RBFOX1: variants seen among roughly 807,000 people sequenced by gnomAD.
RBFOX1 encodes RNA binding fox-1 homolog 1, also known as RNA binding protein fox-1 homolog 1.
A neutral mutation model predicts 57.7 loss-of-function variants in RBFOX1; 8 were observed. That is an observed-to-expected ratio of 0.14 (90% confidence interval 0.08 to 0.25). RBFOX1 has a LOEUF of 0.25. RBFOX1 is among the 10% of genes least tolerant of loss of function. The pLI, the probability that RBFOX1 is intolerant of heterozygous loss-of-function variation, is 1.00. For synonymous variants in RBFOX1, 326 were observed against 222.4 expected, an observed-to-expected ratio of 1.47 and a Z score of -4.15; for missense variants, 611 against 548.5, an observed-to-expected ratio of 1.11 and a Z score of -1.14.
intron 3 of RBFOX1, among the ~76,000 whole-genome samples, chr16:6,897,860 C>T (rs2067342560): frequency 6.6e-6 from 1 of 152,154 alleles, no homozygotes; most frequent in Admixed American, 6.5e-5. Flanking sequence ...AGCTTATCAT[C>T]CATCTGTCCC....
At chr16:5,932,746 A>G (rs1352901134) in intron 4 of RBFOX1, among the ~76,000 whole-genome samples, 6 of 152,118 alleles carry the variant, frequency 3.9e-5, no homozygotes, top group Non-Finnish European at 7.3e-5. Context: ...CATCTCTCCC[A>G]ATTCTCTATA....
chr16:7,631,517 C>G (rs2060959063), intron 11 of RBFOX1, among the ~76,000 whole-genome samples: 1 of 152,314 alleles, frequency 6.6e-6, no homozygotes, highest in Non-Finnish European at 1.5e-5. Context: ...AATCTCCCAG[C>G]CACAGCTGAA....
intron 2 of RBFOX1, among the ~76,000 whole-genome samples, chr16:6,568,924 C>T (rs188965195): frequency 3.9e-5 from 6 of 152,230 alleles, no homozygotes; most frequent in East Asian, 1.9e-4. Context: ...AGGCACGTGC[C>T]ATTATGCCCA....
chr16:6,019,827 C>G lies in RBFOX1; in HGVS notation c.-292C>G. On this transcript the variant is annotated 5_prime_UTR_variant, in exon 1 of 16. Coordinates refer to ENST00000550418, the MANE Select transcript of RBFOX1 (RefSeq NM_018723.4). This position sits in a 1 kb window ranked among gnomAD's most constrained non-coding sequence, Gnocchi z 4.2. The stretch of plus-strand genomic sequence containing the variant: ...CCGCGCCCAGGCAGGCGCGCCAGGG[C>G]GGGGCTGACCTGCCCGCGAAGTTGC... The G allele has an allele frequency of 1.3e-6, 2 of 1,513,056 alleles. No individual in the cohort carries two copies. Among genetic ancestry groups the G allele is most frequent in the Admixed American group, 2.0e-5 (1 of 49,786 alleles). The allele number at this position is 1,513,056 out of a possible 1,614,324, so 93.7% of individuals were successfully genotyped here.
intron 1 of RBFOX1, among the ~76,000 whole-genome samples, chr16:6,303,323 G>A (rs890917705): frequency 2.7e-5 from 4 of 147,164 alleles, no homozygotes; most frequent in Non-Finnish European, 3.0e-5. Flanking sequence ...AGTCCAGTAC[G>A]TATTAAATAG....
intron 1 of RBFOX1, among the ~76,000 whole-genome samples, chr16:6,152,743 T>C (rs1325326249): frequency 6.6e-6 from 1 of 152,096 alleles, no homozygotes; most frequent in African/African-American, 2.4e-5. Flanking sequence ...GACCCATAAC[T>C]CAAGCCATGG....
At chr16:6,263,498 A>T (rs1412713138) in intron 1 of RBFOX1, among the ~76,000 whole-genome samples, 1 of 152,156 alleles carries the variant, frequency 6.6e-6, no homozygotes, top group East Asian at 1.9e-4. Context: ...TGCAGCCTCC[A>T]TTTATGAAAC....
At chr16:6,058,811 C>A (rs1008433436) in intron 1 of RBFOX1, among the ~76,000 whole-genome samples, 1 of 147,608 alleles carries the variant, frequency 6.8e-6, no homozygotes, top group Non-Finnish European at 1.5e-5. Context: ...CATCCATCCA[C>A]CCACTTACCC....
At chr16:6,238,747 AT>A (rs1313050624) in intron 1 of RBFOX1, among the ~76,000 whole-genome samples, 2 of 152,000 alleles carry the variant, frequency 1.3e-5, no homozygotes, top group East Asian at 1.9e-4. Context: ...CTGACTGACT[AT>A]TTTTTTAAAA....
intron 2 of RBFOX1, among the ~76,000 whole-genome samples, chr16:6,393,893 C>T (rs1047484701): frequency 4.6e-5 from 7 of 152,180 alleles, no homozygotes; most frequent in Admixed American, 1.3e-4. Context: ...AGCCCTGTCC[C>T]AGGCAAACTG....
chr16:5,716,578 GA>G (rs1297631771), intron 3 of RBFOX1, among the ~76,000 whole-genome samples: 1 of 152,208 alleles, frequency 6.6e-6, no homozygotes, highest in Non-Finnish European at 1.5e-5. Flanking sequence ...GAGGTTTGGA[GA>G]AAAAGGAACG....
chr16:6,604,590 G>A (rs1351585433), intron 2 of RBFOX1, among the ~76,000 whole-genome samples: 2 of 152,174 alleles, frequency 1.3e-5, no homozygotes, highest in Admixed American at 6.5e-5. Context: ...TAAAGCAATG[G>A]TGGCAAGCTC....
intron 3 of RBFOX1, among the ~76,000 whole-genome samples, chr16:5,851,270 G>A (rs1353425385): frequency 2.6e-5 from 4 of 152,212 alleles, no homozygotes; most frequent in African/African-American, 4.8e-5. Context: ...TACTGATCAC[G>A]TCCTATCTGG....
intron 2 of RBFOX1, among the ~76,000 whole-genome samples, chr16:5,539,588 G>A (rs1486421): frequency 0.12 from 18,338 of 151,632 alleles, 1,441 homozygotes; most frequent in African/African-American, 0.22. Context: ...GCAATAGAGC[G>A]AGACTCTCTC....
At chr16:6,464,039 A>AC (rs1411812356) in intron 2 of RBFOX1, among the ~76,000 whole-genome samples, 2 of 152,224 alleles carry the variant, frequency 1.3e-5, no homozygotes, top group Non-Finnish European at 2.9e-5. Flanking sequence ...GTTCCTGATT[A>AC]ATGTGAATCA....
intron 5 of RBFOX1, among the ~76,000 whole-genome samples, chr16:7,536,323 G>T (rs962616424): frequency 1.3e-5 from 2 of 152,252 alleles, no homozygotes; most frequent in African/African-American, 4.8e-5. Context: ...GCTGGGCGCG[G>T]TGGCTCATGC....
rs142092045 is a variant in RBFOX1 at position 6,300,490 on chromosome 16, T to A, written c.-126-16505T>A. 8.6e-3 allele frequency among the ~76,000 whole-genome samples: 1,305 copies of A among 152,302 alleles called. 16 individuals are homozygous for A. The highest frequency in any genetic ancestry group is 0.02 in the Middle Eastern group (6 of 294). On this transcript the variant is annotated intron_variant, in intron 1 of 15. Transcript: ENST00000550418. ...AAATCCCTCCGCCAACCCAACTACC[T>A]ACCTCACAAAGTTATTAGCGAGACT... is the stretch of plus-strand genomic sequence containing the variant.
chr16:6,802,192 C>G (rs1018487897), intron 3 of RBFOX1, among the ~76,000 whole-genome samples: 5 of 152,082 alleles, frequency 3.3e-5, no homozygotes, highest in African/African-American at 4.8e-5. Context: ...GCATCCCAGC[C>G]TTTGTAGATG....
intron 4 of RBFOX1, among the ~76,000 whole-genome samples, chr16:7,357,406 C>T (rs2097237382): frequency 1.3e-5 from 2 of 152,082 alleles, no homozygotes; most frequent in Non-Finnish European, 1.5e-5. Context: ...TAACAGAGAG[C>T]AGAGTGGTGG....
Sources: allele counts gnomAD v4.1 joint callset (sites outside exome capture counted in the v4.1 genomes callset), GRCh38; gene constraint gnomAD v4.1.1; non-coding constraint Gnocchi (gnomAD v3.1); transcripts MANE v1.5; gene names NCBI Gene and HGNC (gene_info 2026-07-23, HGNC 2026-07-21).